Variants in KIRREL3 observed in about 807,000 individuals in gnomAD.
The protein encoded by KIRREL3 is kin of IRRE-like protein 3.
In KIRREL3, 36 loss-of-function variants were observed where a neutral mutation model predicts 89.7. That is an observed-to-expected ratio of 0.40 (90% CI 0.31 to 0.53). The LOEUF is 0.53. Ranked by LOEUF, KIRREL3 falls within the 20% of genes least tolerant of loss-of-function variation. The probability of loss-of-function intolerance (pLI) is 0.49; values close to 1 mark genes in which losing one functional copy is unlikely to be tolerated. For synonymous variants in KIRREL3, 445 were observed against 441.4 expected (o/e 1.01, Z -0.10); for missense variants, 864 against 1,056.6 (o/e 0.82, Z 2.53).
intron 1 of KIRREL3, among the ~76,000 whole-genome samples, chr11:126,947,077 A>C (rs907665466): frequency 6.6e-6 from 1 of 152,146 alleles, no homozygotes; most frequent in African/African-American, 2.4e-5. Flanking sequence ...TCAAAATGTC[A>C]GTCAAAGCCA....
rs1592152999 is a variant in KIRREL3 at position 126,805,686 on chromosome 11, T to A, written c.55+194769A>T. Among the ~76,000 whole-genome samples, 2 of 152,360 alleles carry A rather than the reference T, an allele frequency of 1.3e-5. No individual in the cohort carries two copies. The highest frequency in any genetic ancestry group is 4.8e-5 in the African/African-American group (2 of 41,590). ...AAGTATGTAATAGATATTACGTTTT[T>A]ATTTACTACTATGTATGTAAATGAA... On this transcript the variant is annotated intron_variant, in intron 1 of 16. Coordinates refer to ENST00000525144, the MANE Select transcript of KIRREL3 (RefSeq NM_032531.4). This position sits in a 1 kb window ranked among gnomAD's most constrained non-coding sequence, Gnocchi z 4.3.
chr11:126,810,711 G>A (rs957192433), intron 1 of KIRREL3, among the ~76,000 whole-genome samples: 3 of 152,150 alleles, frequency 2.0e-5, no homozygotes, highest in Non-Finnish European at 2.9e-5. Flanking sequence ...AAGGAAAGGC[G>A]CAGAAATGGC....
chr11:126,637,402 C>T (rs900308386), intron 1 of KIRREL3, among the ~76,000 whole-genome samples: 1 of 152,186 alleles, frequency 6.6e-6, no homozygotes, highest in Non-Finnish European at 1.5e-5. Context: ...GCCTCATGTT[C>T]CCACTGCAGA....
chr11:126,554,748 T>A (rs1240684557), intron 2 of KIRREL3, among the ~76,000 whole-genome samples: 1 of 152,140 alleles, frequency 6.6e-6, no homozygotes, highest in Non-Finnish European at 1.5e-5. Context: ...CCCTTAAGCC[T>A]GGAACTGCAG....
intron 1 of KIRREL3, among the ~76,000 whole-genome samples, chr11:126,577,416 G>A (rs1413998405): frequency 6.6e-6 from 1 of 152,000 alleles, no homozygotes; most frequent in Non-Finnish European, 1.5e-5. Flanking sequence ...ATAACTCAGA[G>A]TGGGGAGGGG....
rs759444201 is a variant in KIRREL3 at position 126,715,579 on chromosome 11, C to A, written c.56-152667G>T. ...ATATTGCAGGCTGCTTGAGAAAATG[C>A]AGTTTGGGAATATAGGAGAACGTGG... On this transcript the variant is annotated intron_variant, in intron 1 of 16. Transcript: ENST00000525144. The surrounding 1 kb of genome is among the most constrained non-coding windows in gnomAD (Gnocchi z 4.4). Among the ~76,000 whole-genome samples the A allele has an allele frequency of 5.9e-5, 9 of 152,042 alleles. No individual in the cohort carries two copies. Among genetic ancestry groups the A allele is most frequent in the Non-Finnish European group, 1.2e-4 (8 of 68,024 alleles).
At chr11:126,922,429 G>C (rs1440305857) in intron 1 of KIRREL3, among the ~76,000 whole-genome samples, 1 of 152,070 alleles carries the variant, frequency 6.6e-6, no homozygotes, top group Non-Finnish European at 1.5e-5. Context: ...GAAGCCGACA[G>C]ATAAGTATTT....
intron 1 of KIRREL3, among the ~76,000 whole-genome samples, chr11:126,711,916 G>C (rs1947772038): frequency 2.0e-5 from 3 of 152,144 alleles, no homozygotes; most frequent in South Asian, 2.1e-4. Context: ...CCTAAAAACA[G>C]GATATTCTAG....
chr11:126,553,099 C>G lies in KIRREL3; in HGVS notation c.133+9736G>C, dbSNP rs555402480. ...GCCAGCCCTTCATGCTTTTATGTCCCCATTTTAGACAACCAATATTTCAAT... is the reference window on the plus strand; with the variant it reads ...GCCAGCCCTTCATGCTTTTATGTCCGCATTTTAGACAACCAATATTTCAAT... On this transcript the variant is annotated intron_variant, in intron 2 of 16. Coordinates refer to ENST00000525144, the MANE Select transcript of KIRREL3 (RefSeq NM_032531.4). This position sits in a 1 kb window ranked among gnomAD's most constrained non-coding sequence, Gnocchi z 4.7. Among the ~76,000 whole-genome samples the G allele has an allele frequency of 8.5e-5, 13 of 152,230 alleles. No homozygotes were observed. The highest frequency in any genetic ancestry group is 3.1e-4 in the African/African-American group (13 of 41,524).
In KIRREL3 at chr11:126,811,766, T is replaced by A. The variant is rs1248479398; in HGVS notation, c.55+188689A>T. ...CATGCCCAGCTAATTTTTGTACCTT[T>A]AGTAGAGATGGGGTTGCACTATATT... On this transcript the variant is annotated intron_variant, in intron 1 of 16. Coordinates refer to ENST00000525144, the MANE Select transcript of KIRREL3 (RefSeq NM_032531.4). This position sits in a 1 kb window ranked among gnomAD's most constrained non-coding sequence, Gnocchi z 4.3. Among the ~76,000 whole-genome samples the A allele has an allele frequency of 6.6e-6, 1 of 152,034 alleles. No individual in the cohort carries two copies. Among genetic ancestry groups the A allele is most frequent in the African/African-American group, 2.4e-5 (1 of 41,404 alleles).
At chr11:126,730,905 A>T (rs1462443358) in intron 1 of KIRREL3, among the ~76,000 whole-genome samples, 3 of 151,814 alleles carry the variant, frequency 2.0e-5, no homozygotes, top group Non-Finnish European at 4.4e-5. Flanking sequence ...CGCCTGGCTA[A>T]TTTTTTTATA....
rs117815089 is a variant in KIRREL3, at chr11:126,998,169, T to C, written c.55+2286A>G. Among the ~76,000 whole-genome samples, 40 of 152,318 alleles carry C rather than the reference T, an allele frequency of 2.6e-4. 1 individual carries two copies. In the East Asian group the frequency reaches 7.5e-3, roughly 29 times the overall value. On this transcript the variant is annotated intron_variant, in intron 1 of 16. Transcript: ENST00000525144. ...GCACAGTACATGAGCTAAGCATATATGTGAGGATGGTCAAATAGAATCCTC... is the reference window on the plus strand; with the variant it reads ...GCACAGTACATGAGCTAAGCATATACGTGAGGATGGTCAAATAGAATCCTC...
rs568215747 is a variant in KIRREL3, at chr11:126,980,751, G to A, written c.55+19704C>T. Among the ~76,000 whole-genome samples the A allele has an allele frequency of 7.9e-5, 12 of 152,250 alleles. No homozygotes were observed. The South Asian group carries it at 1.5e-3, about 18-fold the overall frequency. On this transcript the variant is annotated intron_variant, in intron 1 of 16. Coordinates refer to ENST00000525144, the MANE Select transcript of KIRREL3 (RefSeq NM_032531.4). The stretch of plus-strand genomic sequence containing the variant: ...GCTGGGAATATAGGATGCTCTTTAC[G>A]GAGATTAGGACCCCAATTGGGGAGA...
intron 1 of KIRREL3, among the ~76,000 whole-genome samples, chr11:126,966,895 A>G (rs1949288453): frequency 6.6e-6 from 1 of 152,240 alleles, no homozygotes; most frequent in African/African-American, 2.4e-5. Context: ...ACTGTTATTT[A>G]TTAATGCAGT....
chr11:126,615,954 G>GGT lies in KIRREL3; in HGVS notation c.56-53044_56-53043dup, dbSNP rs1565594682. On this transcript the variant is annotated intron_variant, in intron 1 of 16. Transcript: ENST00000525144. The surrounding 1 kb of genome is among the most constrained non-coding windows in gnomAD (Gnocchi z 5.4). ...GGACAGGATGGAGGGAGGAGCCCTG[G>GGT]GTGTGTGTGTGTGGGGTGCGTGGGT... Among the ~76,000 whole-genome samples, 1 of 151,868 alleles carries GGT rather than the reference G, an allele frequency of 6.6e-6. No homozygotes were observed. Among genetic ancestry groups the GGT allele is most frequent in the African/African-American group, 2.4e-5 (1 of 41,340 alleles).
At chr11:126,539,432 T>G (rs634748) in intron 2 of KIRREL3, among the ~76,000 whole-genome samples, 88,042 of 151,964 alleles carry the variant, frequency 0.58, 26,055 homozygotes, top group East Asian at 0.94. Flanking sequence ...GTTTTAGAAA[T>G]ATCACGGTGA....
rs1329037129 is a variant in KIRREL3, at chr11:126,755,510, C to T, written c.56-192598G>A. On this transcript the variant is annotated intron_variant, in intron 1 of 16. Coordinates refer to ENST00000525144, the MANE Select transcript of KIRREL3 (RefSeq NM_032531.4). The surrounding 1 kb of genome is among the most constrained non-coding windows in gnomAD (Gnocchi z 4.3). ...TAAAGCCACCTCTTCCCATTGCTCT[C>T]TTTAAAAAAGACACACACCAGAAAG... Among the ~76,000 whole-genome samples the T allele has an allele frequency of 1.3e-5, 2 of 152,050 alleles. No individual in the cohort carries two copies. The highest frequency in any genetic ancestry group is 2.9e-5 in the Non-Finnish European group (2 of 68,010).
At position 126,843,656 on chromosome 11, in the gene KIRREL3, G is replaced by C. The variant is rs1460407209; in HGVS notation, c.55+156799C>G. On this transcript the variant is annotated intron_variant, in intron 1 of 16. Coordinates refer to ENST00000525144, the MANE Select transcript of KIRREL3 (RefSeq NM_032531.4). The surrounding 1 kb of genome is among the most constrained non-coding windows in gnomAD (Gnocchi z 4.6). Reference sequence around the variant, plus strand: ...GGGTAAAATAAGGCTAACTTATTTAGCCTTAAAATAATTTTCCCAGTAAGT... The same window carrying C: ...GGGTAAAATAAGGCTAACTTATTTACCCTTAAAATAATTTTCCCAGTAAGT... 6.6e-6 allele frequency among the ~76,000 whole-genome samples: 1 copy of C among 152,166 alleles called. No individual in the cohort carries two copies. Among genetic ancestry groups the C allele is most frequent in the Non-Finnish European group, 1.5e-5 (1 of 68,038 alleles).
intron 1 of KIRREL3, among the ~76,000 whole-genome samples, chr11:126,964,118 T>C (rs934054351): frequency 1.7e-4 from 26 of 152,202 alleles, no homozygotes; most frequent in African/African-American, 6.3e-4. Context: ...AAAAACTTCA[T>C]CTGTGCACAG....
Sources: gnomAD v4.1 joint callset for allele counts (sites outside exome capture counted in the v4.1 genomes callset) on GRCh38, gnomAD v4.1.1 for gene constraint, Gnocchi (gnomAD v3.1) non-coding constraint, MANE v1.5 for transcripts, NCBI Gene and HGNC (gene_info 2026-07-23, HGNC 2026-07-21) for gene names.